CBR4: variants seen among roughly 807,000 people sequenced by gnomAD.
The protein encoded by CBR4 is carbonyl reductase 4, also known as 3-oxoacyl-[acyl-carrier-protein] reductase.
A neutral mutation model predicts 21.0 loss-of-function variants in CBR4; 22 were observed. The ratio of observed to expected loss-of-function variants is 1.05; its 90% CI spans 0.75 to 1.50. The LOEUF (loss-of-function observed/expected upper bound fraction) is 1.50. Ranked by LOEUF, CBR4 falls within the 40% of genes most tolerant of loss-of-function variation. The pLI is 0.00. For synonymous variants in CBR4, 100 were observed against 104.4 expected, an observed-to-expected ratio of 0.96 and a Z score of 0.26; for missense variants, 302 against 286.3, an observed-to-expected ratio of 1.05 and a Z score of -0.40.
intron 2 of CBR4, among the ~76,000 whole-genome samples, chr4:168,961,162 T>A (rs1386253645): frequency 6.6e-6 from 1 of 152,210 alleles, no homozygotes; most frequent in African/African-American, 2.4e-5. Context: ...TTTTTTTCTA[T>A]GACTGGCACT....
chr4:168,898,669 G>A lies in CBR4; in HGVS notation n.170-3904C>T, dbSNP rs1755797494. The A allele has an allele frequency of 6.2e-7, 1 of 1,613,918 alleles. No homozygotes were observed. The highest frequency in any genetic ancestry group is 8.5e-7 in the Non-Finnish European group (1 of 1,179,822). On this transcript the variant is annotated intron_variant and non_coding_transcript_variant, in intron 2 of 3. Transcript: ENST00000509108. Reference sequence around the variant, plus strand: ...AACATTACAAGATCTTTGAGGGAATGCCAGTAACTTTCACATGTAGAGTGG... The same window carrying A: ...AACATTACAAGATCTTTGAGGGAATACCAGTAACTTTCACATGTAGAGTGG...
chr4:168,905,989 C>G (rs1582066974), intron 2 of CBR4, among the ~76,000 whole-genome samples: 1 of 151,966 alleles, frequency 6.6e-6, no homozygotes, highest in East Asian at 1.9e-4. Flanking sequence ...ATCCACCTGC[C>G]TCGGCCTCTT....
chr4:168,927,588 A>ATAAAG (rs1285704513), intron 2 of CBR4: 3 of 229,618 alleles, frequency 1.3e-5, no homozygotes, highest in East Asian at 6.2e-5. Flanking sequence ...GGTTTGTGCC[A>ATAAAG]TAAAGTATTT....
intron 2 of CBR4, among the ~76,000 whole-genome samples, chr4:168,901,114 T>C (rs1756420235): frequency 6.6e-6 from 1 of 152,198 alleles, no homozygotes; most frequent in Non-Finnish European, 1.5e-5. Flanking sequence ...CATCCCTCCT[T>C]CCTCTCCCTC....
At chr4:168,980,627 T>G (rs1197661010) in intron 2 of CBR4, among the ~76,000 whole-genome samples, 1 of 151,968 alleles carries the variant, frequency 6.6e-6, no homozygotes, top group African/African-American at 2.4e-5. Context: ...TCCCAGCTAC[T>G]CGGGAGGCTG....
chr4:168,970,212 T>G (rs1764162905), intron 2 of CBR4, among the ~76,000 whole-genome samples: 1 of 152,216 alleles, frequency 6.6e-6, no homozygotes, highest in Non-Finnish European at 1.5e-5. Context: ...GGGATTTTTT[T>G]GATAAATAAA....
rs184214713 is a variant in CBR4, at chr4:168,997,226, T to C, written c.535+4845A>G. Among the ~76,000 whole-genome samples the C allele has an allele frequency of 9.6e-4, 146 of 152,348 alleles. 1 individual carries two copies. Among genetic ancestry groups the C allele is most frequent in the African/African-American group, 3.4e-3 (141 of 41,582 alleles). On this transcript the variant is annotated intron_variant, in intron 4 of 4. Transcript: ENST00000306193. Reference sequence around the variant, plus strand: ...CACCTGGACAGTCAGAGGTTTCCAATTGGCTACAAAGTTATCACTTCTTAA... The same window carrying C: ...CACCTGGACAGTCAGAGGTTTCCAACTGGCTACAAAGTTATCACTTCTTAA...
chr4:168,938,910 A>G (rs182269247), intron 2 of CBR4, among the ~76,000 whole-genome samples: 191 of 152,324 alleles, frequency 1.3e-3, no homozygotes, highest in Admixed American at 5.2e-3. Context: ...TATTCTAAAC[A>G]ATAGTAAAAA....
At chr4:168,939,750 C>G (rs1763211444) in intron 2 of CBR4, among the ~76,000 whole-genome samples, 1 of 152,094 alleles carries the variant, frequency 6.6e-6, no homozygotes, top group Admixed American at 6.5e-5. Context: ...AGGATCTCTT[C>G]AAGGAGAACT....
At chr4:168,947,101 G>C (rs1451503926) in intron 2 of CBR4, among the ~76,000 whole-genome samples, 2 of 151,902 alleles carry the variant, frequency 1.3e-5, no homozygotes, top group Non-Finnish European at 2.9e-5. Flanking sequence ...CATAGACATA[G>C]AGTTTAGTCG....
At chr4:168,904,900 G>A (rs1440949501) in intron 2 of CBR4, among the ~76,000 whole-genome samples, 1 of 152,058 alleles carries the variant, frequency 6.6e-6, no homozygotes, top group Admixed American at 6.5e-5. Context: ...GCTGAGGCAG[G>A]TGGATTGCCT....
chr4:168,922,319 T>C (rs551481795), intron 2 of CBR4, among the ~76,000 whole-genome samples: 2 of 152,196 alleles, frequency 1.3e-5, no homozygotes, highest in African/African-American at 4.8e-5. Flanking sequence ...TTTTATACCA[T>C]CCTTAAGAGT....
intron 3 of CBR4, among the ~76,000 whole-genome samples, chr4:169,003,959 C>T (rs564432773): frequency 1.1e-4 from 17 of 151,788 alleles, no homozygotes; most frequent in Admixed American, 5.2e-4. Flanking sequence ...GTGGGGGAAG[C>T]GGGGAGGGAT....
intron 2 of CBR4, among the ~76,000 whole-genome samples, chr4:168,970,726 G>A (rs1193856488): frequency 6.6e-6 from 1 of 151,896 alleles, no homozygotes; most frequent in Non-Finnish European, 1.5e-5. Context: ...ATGATGTTTG[G>A]TTTTCCATTC....
chr4:168,991,035 C>G (rs1344629144), intron 4 of CBR4, among the ~76,000 whole-genome samples: 4 of 151,972 alleles, frequency 2.6e-5, no homozygotes, highest in Non-Finnish European at 5.9e-5. Context: ...GCCTCAGCGA[C>G]AAGAGTGAAA....
intron 2 of CBR4, among the ~76,000 whole-genome samples, chr4:168,907,654 A>C (rs1433615648): frequency 1.3e-5 from 2 of 152,168 alleles, no homozygotes; most frequent in Non-Finnish European, 2.9e-5. Flanking sequence ...CAGGCCCCAG[A>C]ATTCTCTGCT....
intron 2 of CBR4, among the ~76,000 whole-genome samples, chr4:168,955,339 G>C (rs553830700): frequency 6.6e-6 from 1 of 152,132 alleles, no homozygotes; most frequent in Non-Finnish European, 1.5e-5. Context: ...GATTCTCTTT[G>C]AGAAATAGGA....
chr4:168,911,532 T>C (rs1000297150), intron 2 of CBR4, among the ~76,000 whole-genome samples: 2 of 152,194 alleles, frequency 1.3e-5, no homozygotes, highest in Admixed American at 1.3e-4. Context: ...CCAAAAAGAA[T>C]CATTAATTTT....
chr4:168,922,149 T>G (rs1293165196), intron 2 of CBR4, among the ~76,000 whole-genome samples: 2 of 146,314 alleles, frequency 1.4e-5, no homozygotes, highest in African/African-American at 5.1e-5. Context: ...ACACACCTGG[T>G]TTTTAAAACA....
Sources: allele counts gnomAD v4.1 joint callset (sites outside exome capture counted in the v4.1 genomes callset), GRCh38; gene constraint gnomAD v4.1.1; transcripts MANE v1.5; gene names NCBI Gene and HGNC (gene_info 2026-07-23, HGNC 2026-07-21).